USP46: variants seen among roughly 807,000 people sequenced by gnomAD.
USP46 encodes ubiquitin specific peptidase 46.
A neutral mutation model predicts 44.4 loss-of-function variants in USP46; 12 were observed. The observed-to-expected ratio is 0.27, with a 90% CI of 0.17 to 0.44. USP46 has a LOEUF of 0.44. USP46 is among the 20% of genes least tolerant of loss of function. The probability of loss-of-function intolerance (pLI) is 1.00; values close to 1 mark genes in which losing one functional copy is unlikely to be tolerated. For synonymous variants in USP46, 155 were observed against 161.5 expected, an observed-to-expected ratio of 0.96 and a Z score of 0.31; for missense variants, 248 against 444.8, an observed-to-expected ratio of 0.56 and a Z score of 3.98.
chr4:52,597,789 T>C, intron 8 of USP46, 48 bp from the exon 9 acceptor site: 1 of 1,341,190 alleles, frequency 7.5e-7, no homozygotes, highest in Non-Finnish European at 1.0e-6. Flanking sequence ...ACATGATTCC[T>C]GGGGAAAGGA....
chr4:52,599,841 C>T lies in USP46; in HGVS notation c.921-1135G>A, dbSNP rs540893201. Among the ~76,000 whole-genome samples, 3 of 152,314 alleles carry T rather than the reference C, an allele frequency of 2.0e-5. No homozygotes were observed. In the South Asian group the frequency reaches 6.2e-4, roughly 32 times the overall value. Reference sequence around the variant, plus strand: ...CTCCAGCTACTGTCTCCCTTTCCCTCTGAGCTCCAGCCCATCTGGCTCCTC... The same window carrying T: ...CTCCAGCTACTGTCTCCCTTTCCCTTTGAGCTCCAGCCCATCTGGCTCCTC... On this transcript the variant is annotated intron_variant, in intron 7 of 8. Transcript: ENST00000441222.
chr4:52,648,857 A>G (rs774443958), intron 1 of USP46, among the ~76,000 whole-genome samples: 2 of 152,226 alleles, frequency 1.3e-5, no homozygotes, highest in Non-Finnish European at 2.9e-5. Context: ...TGAATAGCTC[A>G]GATTACACCT....
intron 5 of USP46, among the ~76,000 whole-genome samples, chr4:52,609,610 A>AC (rs1716842357): frequency 6.6e-6 from 1 of 152,128 alleles, no homozygotes; most frequent in African/African-American, 2.4e-5. Flanking sequence ...TGTGGAGGTG[A>AC]CATCTCACAC....
In USP46 at chr4:52,604,288, G is replaced by A. The variant is rs372887511; in HGVS notation, c.722+213C>T. Among the ~76,000 whole-genome samples, 19 of 152,150 alleles carry A rather than the reference G, an allele frequency of 1.2e-4. No individual in the cohort carries two copies. The East Asian group carries it at 1.3e-3, about 11-fold the overall frequency. The stretch of plus-strand genomic sequence containing the variant: ...AATGACTGAATGAATAAACAAATAA[G>A]TAAACAATCGGACAGACAACTCTCC... On this transcript the variant is annotated intron_variant, in intron 6 of 8. Transcript: ENST00000441222.
intron 1 of USP46, among the ~76,000 whole-genome samples, chr4:52,643,219 C>G (rs1718418731): frequency 6.6e-6 from 1 of 152,190 alleles, no homozygotes; most frequent in African/African-American, 2.4e-5. Flanking sequence ...GTCACTTCTT[C>G]AAAGCTACCT....
chr4:52,642,629 T>C (rs1033076821), intron 1 of USP46, among the ~76,000 whole-genome samples: 6 of 152,184 alleles, frequency 3.9e-5, no homozygotes, highest in African/African-American at 1.4e-4. Flanking sequence ...CTCTACAGAG[T>C]ACTGGCAACT....
chr4:52,599,977 C>G (rs1231573228), intron 7 of USP46, among the ~76,000 whole-genome samples: 1 of 152,172 alleles, frequency 6.6e-6, no homozygotes, highest in Non-Finnish European at 1.5e-5. Flanking sequence ...TGTCACCTCC[C>G]CAGATGAATC....
chr4:52,645,329 C>T (rs141656545), intron 1 of USP46, among the ~76,000 whole-genome samples: 24 of 151,890 alleles, frequency 1.6e-4, no homozygotes, highest in Non-Finnish European at 1.9e-4. Context: ...GGATACTTGA[C>T]TACATGACCA....
chr4:52,609,580 T>C (rs1167424312), intron 5 of USP46, among the ~76,000 whole-genome samples: 1 of 152,172 alleles, frequency 6.6e-6, no homozygotes, highest in Non-Finnish European at 1.5e-5. Context: ...TGGCAACACC[T>C]GGCAGGCTTC....
intron 1 of USP46, among the ~76,000 whole-genome samples, chr4:52,653,263 T>C (rs1379394991): frequency 1.3e-5 from 2 of 152,058 alleles, no homozygotes; most frequent in Non-Finnish European, 1.5e-5. Flanking sequence ...CCTAGCACTT[T>C]GAGAGGCTGA....
At chr4:52,631,659 A>G (rs1027002544) in intron 1 of USP46, among the ~76,000 whole-genome samples, 2 of 152,232 alleles carry the variant, frequency 1.3e-5, no homozygotes, top group Non-Finnish European at 2.9e-5. Flanking sequence ...TTCACATTTT[A>G]GCAGATGAAG....
chr4:52,637,187 C>A (rs920993764), intron 1 of USP46, among the ~76,000 whole-genome samples: 1 of 152,072 alleles, frequency 6.6e-6, no homozygotes, highest in African/African-American at 2.4e-5. Flanking sequence ...TGGGCTCTAC[C>A]CTCACTTCAT....
At chr4:52,598,850 T>C (rs1756841085) in intron 7 of USP46, 144 bp from the exon 8 acceptor site, 2 of 698,610 alleles carry the variant, frequency 2.9e-6, no homozygotes, top group Non-Finnish European at 4.8e-6. Flanking sequence ...CTCATGTCTA[T>C]GTTTACAACA....
In USP46 at chr4:52,659,258, GGGT is replaced by G; in HGVS notation, c.-111_-109del. The G allele has an allele frequency of 7.5e-7, 1 of 1,335,666 alleles. No homozygotes were observed. Among genetic ancestry groups the G allele is most frequent in the Middle Eastern group, 1.9e-4 (1 of 5,224 alleles). 82.7% of individuals were successfully genotyped at this position (1,335,666 alleles called of 1,614,324 possible). On this transcript the variant is annotated 5_prime_UTR_variant, in exon 1 of 9. Coordinates refer to ENST00000441222, the MANE Select transcript of USP46 (RefSeq NM_022832.4). This position sits in a 1 kb window ranked among gnomAD's most constrained non-coding sequence, Gnocchi z 4.2. ...GGCCGGGCGGCAGCGCGGCGGCCTG[GGGT>G]CCGGCTTTCAGTTTGGCTGGGAGAG...
chr4:52,608,116 A>C (rs1716769171), intron 5 of USP46, among the ~76,000 whole-genome samples: 1 of 152,194 alleles, frequency 6.6e-6, no homozygotes. Flanking sequence ...AAGAAAACAC[A>C]CTTTGGGAAC....
intron 1 of USP46, among the ~76,000 whole-genome samples, chr4:52,652,689 G>C (rs1027426337): frequency 1.3e-5 from 2 of 151,962 alleles, no homozygotes; most frequent in East Asian, 3.9e-4. Flanking sequence ...ACTATATCTA[G>C]TTTATGAATG....
chr4:52,630,184 T>C (rs921189393), intron 2 of USP46, among the ~76,000 whole-genome samples: 3 of 152,174 alleles, frequency 2.0e-5, no homozygotes, highest in African/African-American at 7.2e-5. Context: ...TACTCCGTTA[T>C]CATTAACCTG....
At chr4:52,654,338 G>A (rs1718878180) in intron 1 of USP46, among the ~76,000 whole-genome samples, 1 of 152,084 alleles carries the variant, frequency 6.6e-6, no homozygotes, top group Admixed American at 6.5e-5. Flanking sequence ...CAGAGGAAAA[G>A]GCAAGATATC....
chr4:52,595,131 G>C lies in USP46; in HGVS notation c.*2509C>G, dbSNP rs946410051. 3.3e-5 allele frequency: 5 copies of C among 152,566 alleles called. No individual in the cohort carries two copies. Among genetic ancestry groups the C allele is most frequent in the Admixed American group, 3.3e-4 (5 of 15,264 alleles). The allele number at this position is 152,566 out of a possible 1,614,324, so 9.5% of individuals were successfully genotyped here. On this transcript the variant is annotated 3_prime_UTR_variant, in exon 9 of 9. Coordinates refer to ENST00000441222, the MANE Select transcript of USP46 (RefSeq NM_022832.4). The stretch of plus-strand genomic sequence containing the variant: ...TACTCACTCCTGCAGATGACACACG[G>C]AATCCTTGGCCATTGGAGGGAATAC...
Sources: allele counts gnomAD v4.1 joint callset (sites outside exome capture counted in the v4.1 genomes callset), GRCh38; gene constraint gnomAD v4.1.1; non-coding constraint Gnocchi (gnomAD v3.1); transcripts MANE v1.5; gene names NCBI Gene and HGNC (gene_info 2026-07-23, HGNC 2026-07-21).